Variants in HS3ST3A1 observed in about 807,000 individuals in gnomAD.
The protein encoded by HS3ST3A1 is heparan sulfate-glucosamine 3-sulfotransferase 3A1.
HS3ST3A1 carries 19 observed loss-of-function variants against 25.7 expected under a neutral mutation model. The observed-to-expected ratio is 0.74, with a 90% CI of 0.52 to 1.08. HS3ST3A1 has a LOEUF of 1.08. Ranked by LOEUF, HS3ST3A1 falls within the 50% of genes least tolerant of loss-of-function variation. HS3ST3A1 has a pLI of 0.00. For missense variants in HS3ST3A1, 459 were observed against 594.3 expected, an observed-to-expected ratio of 0.77 and a Z score of 2.37; for synonymous variants, 226 against 278.6, an observed-to-expected ratio of 0.81 and a Z score of 1.88.
At chr17:13,579,332 T>C (rs62053906) in intron 1 of HS3ST3A1, among the ~76,000 whole-genome samples, 14,644 of 152,162 alleles carry the variant, frequency 0.096, 841 homozygotes, top group Non-Finnish European at 0.13. Flanking sequence ...AAGATTCCCA[T>C]CAAAAGTATC....
At chr17:13,507,276 C>A (rs975630086) in intron 1 of HS3ST3A1, among the ~76,000 whole-genome samples, 1 of 152,132 alleles carries the variant, frequency 6.6e-6, no homozygotes, top group Non-Finnish European at 1.5e-5. Context: ...TTTCTTGAGT[C>A]TCACAACTAA....
chr17:13,523,142 G>C (rs150130055), intron 1 of HS3ST3A1, among the ~76,000 whole-genome samples: 2 of 152,204 alleles, frequency 1.3e-5, no homozygotes, highest in African/African-American at 2.4e-5. Flanking sequence ...GAGACTCTAG[G>C]ATCAAGCTAA....
chr17:13,581,340 A>G (rs1201691833), intron 1 of HS3ST3A1, among the ~76,000 whole-genome samples: 2 of 151,528 alleles, frequency 1.3e-5, no homozygotes, highest in African/African-American at 4.9e-5. Context: ...GGTGGCACGC[A>G]CCTGTAGTCC....
intron 1 of HS3ST3A1, among the ~76,000 whole-genome samples, chr17:13,574,420 T>C (rs1363752156): frequency 6.6e-6 from 1 of 150,482 alleles, no homozygotes; most frequent in African/African-American, 2.4e-5. Context: ...CCCGGCCCTA[T>C]CACTCTTAAA....
At chr17:13,525,811 G>A (rs1906396485) in intron 1 of HS3ST3A1, among the ~76,000 whole-genome samples, 1 of 152,050 alleles carries the variant, frequency 6.6e-6, no homozygotes, top group Non-Finnish European at 1.5e-5. Context: ...CTGTTTTTCT[G>A]AGTGCCTGTT....
Position 13,551,526 on chromosome 17 carries a change from G to T in HS3ST3A1, c.599+49005C>A, listed in dbSNP as rs4792371. The stretch of plus-strand genomic sequence containing the variant: ...GCCATATCACTGTCCTGTTCAGAAG[G>T]GGTTACTAGATATCTCAAAACTGCC... On this transcript the variant is annotated intron_variant, in intron 1 of 1. Transcript: ENST00000284110. 2.0e-5 allele frequency among the ~76,000 whole-genome samples: 3 copies of T among 150,174 alleles called. No individual in the cohort carries two copies. In the South Asian group the frequency reaches 6.4e-4, roughly 32 times the overall value.
chr17:13,556,499 C>CTT (rs1907378403), intron 1 of HS3ST3A1, among the ~76,000 whole-genome samples: 1 of 95,986 alleles, frequency 1.0e-5, no homozygotes, highest in Non-Finnish European at 2.1e-5. Context: ...CAGAGCGAGA[C>CTT]TTTGTCTCAA....
At chr17:13,562,804 T>C (rs1166681468) in intron 1 of HS3ST3A1, among the ~76,000 whole-genome samples, 2 of 152,142 alleles carry the variant, frequency 1.3e-5, no homozygotes, top group Admixed American at 1.3e-4. Context: ...AGCCAGTCGA[T>C]GTGCCCTGTG....
intron 1 of HS3ST3A1, among the ~76,000 whole-genome samples, chr17:13,599,095 C>T (rs763315910): frequency 2.0e-5 from 3 of 152,088 alleles, no homozygotes; most frequent in Admixed American, 6.6e-5. Context: ...AAAAGAAGGA[C>T]CTGTTGTTTC....
intron 1 of HS3ST3A1, among the ~76,000 whole-genome samples, chr17:13,533,080 T>C (rs549039318): frequency 2.0e-4 from 31 of 152,226 alleles, no homozygotes; most frequent in South Asian, 4.2e-4. Flanking sequence ...TTTTATAGTG[T>C]TGCTGTAAGA....
chr17:13,494,759 G>A lies in HS3ST3A1; in HGVS notation c.*1438C>T, dbSNP rs1905223799. 6.6e-6 allele frequency among the ~76,000 whole-genome samples: 1 copy of A among 152,140 alleles called. No homozygotes were observed. Reference sequence around the variant, plus strand: ...CTAATCTTGTTAATACCCACTCAGAGAGGAAAGGAATACTGTTAATAAACT... The same window carrying A: ...CTAATCTTGTTAATACCCACTCAGAAAGGAAAGGAATACTGTTAATAAACT... On this transcript the variant is annotated 3_prime_UTR_variant, in exon 2 of 2. Coordinates refer to ENST00000284110, the MANE Select transcript of HS3ST3A1 (RefSeq NM_006042.3).
intron 1 of HS3ST3A1, among the ~76,000 whole-genome samples, chr17:13,595,853 G>T (rs78563639): frequency 7.4e-4 from 25 of 33,752 alleles, no homozygotes; most frequent in Admixed American, 2.1e-3. Context: ...TTTGGTTGTT[G>T]TTGTTGTTGT....
At chr17:13,579,701 CAAAA>C (rs543748713) in intron 1 of HS3ST3A1, among the ~76,000 whole-genome samples, 4 of 23,656 alleles carry the variant, frequency 1.7e-4, no homozygotes, top group African/African-American at 7.7e-4. Flanking sequence ...ACTCCATCTC[CAAAA>C]AAAAAAAAAA....
At chr17:13,508,335 C>T (rs1905752539) in intron 1 of HS3ST3A1, among the ~76,000 whole-genome samples, 1 of 152,202 alleles carries the variant, frequency 6.6e-6, no homozygotes, top group Non-Finnish European at 1.5e-5. Flanking sequence ...CTCAAGGACT[C>T]TTGATCGTTA....
rs143319261 is a variant in HS3ST3A1 at position 13,503,818 on chromosome 17, G to A, written c.600-7000C>T. Among the ~76,000 whole-genome samples the A allele has an allele frequency of 3.9e-3, 598 of 152,272 alleles. 3 individuals are homozygous for A. Among genetic ancestry groups the A allele is most frequent in the Middle Eastern group, 0.017 (5 of 294 alleles). ...AACTCTTTGGCACTATCTACCAAAC[G>A]AGCGCATTCACTGTGACCCAGCCAT... On this transcript the variant is annotated intron_variant, in intron 1 of 1. Transcript: ENST00000284110.
chr17:13,581,661 C>T (rs911857854), intron 1 of HS3ST3A1, among the ~76,000 whole-genome samples: 23 of 152,110 alleles, frequency 1.5e-4, no homozygotes, highest in African/African-American at 5.6e-4. Flanking sequence ...AATATTTTTA[C>T]CATCCAAATA....
In HS3ST3A1 at chr17:13,532,907, A is replaced by G. The variant is rs545786597; in HGVS notation, c.600-36089T>C. On this transcript the variant is annotated intron_variant, in intron 1 of 1. Transcript: ENST00000284110. ...TGTGTGTGTGTGTATATGTTTATAT[A>G]CACACACACACACACACACATGCTT... Among the ~76,000 whole-genome samples, 3 of 50,554 alleles carry G rather than the reference A, an allele frequency of 5.9e-5. No homozygotes were observed. The South Asian group carries it at 1.8e-3, about 30-fold the overall frequency. 33.2% of individuals were successfully genotyped at this position (50,554 alleles called of 152,430 possible).
chr17:13,550,197 G>A (rs1907202247), intron 1 of HS3ST3A1, among the ~76,000 whole-genome samples: 1 of 152,110 alleles, frequency 6.6e-6, no homozygotes, highest in Admixed American at 6.5e-5. Context: ...TAGAGTGCAT[G>A]GACTAAATTT....
chr17:13,595,270 T>A (rs1908544196), intron 1 of HS3ST3A1, among the ~76,000 whole-genome samples: 1 of 152,162 alleles, frequency 6.6e-6, no homozygotes, highest in African/African-American at 2.4e-5. Context: ...AGGCTTCCAT[T>A]CACTAACTCA....
Sources: allele counts gnomAD v4.1 joint callset (sites outside exome capture counted in the v4.1 genomes callset), GRCh38; gene constraint gnomAD v4.1.1; transcripts MANE v1.5; gene names NCBI Gene and HGNC (gene_info 2026-07-23, HGNC 2026-07-21).